Variants in TBC1D22A observed in about 807,000 individuals in gnomAD.
TBC1D22A encodes putative GTPase activator.
In TBC1D22A, 38 loss-of-function variants were observed where a neutral mutation model predicts 60.2. The ratio of observed to expected loss-of-function variants is 0.63; its 90% CI spans 0.49 to 0.83. The LOEUF is 0.83. TBC1D22A is among the 40% of genes least tolerant of loss of function. The pLI is 0.00. For missense variants in TBC1D22A, 628 were observed against 701.0 expected, an observed-to-expected ratio of 0.90 and a Z score of 1.18; for synonymous variants, 302 against 281.7, an observed-to-expected ratio of 1.07 and a Z score of -0.72.
intron 10 of TBC1D22A, among the ~76,000 whole-genome samples, chr22:47,021,530 C>A (rs113325528): frequency 6.0e-5 from 9 of 150,674 alleles, no homozygotes; most frequent in Admixed American, 1.3e-4. Flanking sequence ...TAGCAGAACC[C>A]CACCTGTCAC....
intron 4 of TBC1D22A, among the ~76,000 whole-genome samples, chr22:46,803,717 G>A (rs928182589): frequency 6.6e-6 from 1 of 152,068 alleles, no homozygotes; most frequent in Admixed American, 6.5e-5. Flanking sequence ...TGGCTAACTC[G>A]GCCTTGCCCT....
intron 12 of TBC1D22A, among the ~76,000 whole-genome samples, chr22:47,125,247 G>A (rs992524475): frequency 2.0e-5 from 3 of 152,168 alleles, no homozygotes; most frequent in East Asian, 1.9e-4. Flanking sequence ...GAGGGCGACC[G>A]TCCCCGGAGA....
At chr22:46,821,108 T>C (rs1383466996) in intron 4 of TBC1D22A, among the ~76,000 whole-genome samples, 1 of 151,832 alleles carries the variant, frequency 6.6e-6, no homozygotes, top group African/African-American at 2.4e-5. Flanking sequence ...TGCATCCCTT[T>C]ATTTCGAGTC....
intron 12 of TBC1D22A, among the ~76,000 whole-genome samples, chr22:47,124,157 G>C (rs1243224948): frequency 3.3e-5 from 5 of 152,196 alleles, no homozygotes; most frequent in African/African-American, 9.6e-5. Flanking sequence ...GGGCACGCCT[G>C]AGCTGAGCAT....
chr22:46,824,429 TC>T (rs1188715091), intron 4 of TBC1D22A, among the ~76,000 whole-genome samples: 1 of 152,184 alleles, frequency 6.6e-6, no homozygotes, highest in East Asian at 1.9e-4. Flanking sequence ...GTGGTCCTTC[TC>T]CAAGAAGGCC....
intron 7 of TBC1D22A, among the ~76,000 whole-genome samples, chr22:46,897,070 GCGTCT>G (rs1427357436): frequency 1.3e-5 from 2 of 152,136 alleles, no homozygotes; most frequent in African/African-American, 4.8e-5. Flanking sequence ...CCCCTATGAA[GCGTCT>G]CGTACATGTG....
At chr22:47,015,255 G>A (rs1361649317) in intron 10 of TBC1D22A, among the ~76,000 whole-genome samples, 3 of 152,190 alleles carry the variant, frequency 2.0e-5, no homozygotes, top group South Asian at 4.1e-4. Context: ...GGTTCCTGGC[G>A]CAGGTGCCTG....
chr22:47,102,699 G>C (rs2065465561), intron 11 of TBC1D22A, among the ~76,000 whole-genome samples: 1 of 152,160 alleles, frequency 6.6e-6, no homozygotes, highest in South Asian at 2.1e-4. Flanking sequence ...TCTGCTCCCT[G>C]GTTGGAGACA....
chr22:47,147,858 C>T (rs1480258508), intron 12 of TBC1D22A, among the ~76,000 whole-genome samples: 1 of 152,218 alleles, frequency 6.6e-6, no homozygotes, highest in Non-Finnish European at 1.5e-5. Flanking sequence ...CGGTCCTGGG[C>T]AGAGGCCGGA....
At chr22:47,082,927 A>G (rs556990050) in intron 11 of TBC1D22A, among the ~76,000 whole-genome samples, 10 of 152,258 alleles carry the variant, frequency 6.6e-5, no homozygotes, top group Non-Finnish European at 1.3e-4. Flanking sequence ...AGCTTTATTC[A>G]TACCAGCCAA....
chr22:46,993,737 G>A (rs565796082), intron 9 of TBC1D22A, among the ~76,000 whole-genome samples: 2 of 152,334 alleles, frequency 1.3e-5, no homozygotes, highest in Admixed American at 6.5e-5. Context: ...AGGCTGCTGC[G>A]AGGGCCATGG....
At chr22:46,793,448 T>A in intron 2 of TBC1D22A, 53 bp from the exon 3 acceptor site, 1 of 1,581,054 alleles carries the variant, frequency 6.3e-7, no homozygotes, top group South Asian at 1.1e-5. Flanking sequence ...TCCTGGCTGG[T>A]TTTGGGTGAA....
intron 4 of TBC1D22A, among the ~76,000 whole-genome samples, chr22:46,851,105 A>C (rs1242356039): frequency 1.3e-5 from 2 of 152,194 alleles, no homozygotes; most frequent in Non-Finnish European, 2.9e-5. Context: ...ACTGGAAACC[A>C]CTGAGTCCCA....
intron 11 of TBC1D22A, among the ~76,000 whole-genome samples, chr22:47,069,659 T>C (rs112332684): frequency 2.1e-5 from 3 of 142,872 alleles, no homozygotes; most frequent in South Asian, 2.4e-4. Flanking sequence ...TGGAGCTGAC[T>C]TGACGGTTCC....
At chr22:47,165,227 C>T (rs1335020281) in intron 12 of TBC1D22A, among the ~76,000 whole-genome samples, 1 of 152,126 alleles carries the variant, frequency 6.6e-6, no homozygotes, top group South Asian at 2.1e-4. Flanking sequence ...AGGGGAGTGA[C>T]TCGTGTTTGC....
rs143455800 is a variant in TBC1D22A, at chr22:46,981,673, C to G, written c.1125+7274C>G. Among the ~76,000 whole-genome samples the G allele has an allele frequency of 2.6e-3, 399 of 152,346 alleles. 2 individuals carry two copies. The highest frequency in any genetic ancestry group is 9.1e-3 in the African/African-American group (377 of 41,588). On this transcript the variant is annotated intron_variant, in intron 9 of 12. Coordinates refer to ENST00000337137, the MANE Select transcript of TBC1D22A (RefSeq NM_014346.5). ...AAAGAACGTGCCTCTTCCTCTTTGT[C>G]TTCCACCATGATTCTGAGTTTCCTG...
intron 11 of TBC1D22A, among the ~76,000 whole-genome samples, chr22:47,074,084 G>C (rs1391398429): frequency 1.3e-5 from 2 of 152,176 alleles, no homozygotes; most frequent in African/African-American, 4.8e-5. Context: ...CTCTAGCCTG[G>C]GTGACAGTGA....
intron 4 of TBC1D22A, among the ~76,000 whole-genome samples, chr22:46,837,066 C>T (rs1325562130): frequency 2.6e-5 from 4 of 151,510 alleles, no homozygotes; most frequent in East Asian, 3.9e-4. Context: ...TTGATGTTAA[C>T]GTGAACTATG....
chr22:46,963,371 G>A (rs555854981), intron 8 of TBC1D22A, among the ~76,000 whole-genome samples: 4 of 152,126 alleles, frequency 2.6e-5, no homozygotes, highest in Non-Finnish European at 5.9e-5. Flanking sequence ...CCTGGGTCCC[G>A]CAGTGCCCAA....
Sources: allele counts gnomAD v4.1 joint callset (sites outside exome capture counted in the v4.1 genomes callset), GRCh38; gene constraint gnomAD v4.1.1; transcripts MANE v1.5; gene names NCBI Gene and HGNC (gene_info 2026-07-23, HGNC 2026-07-21).